MSI1: variants seen among roughly 807,000 people sequenced by gnomAD.
MSI1 encodes the protein RNA-binding protein Musashi homolog 1.
Under a neutral mutation model 54.4 loss-of-function variants are expected in MSI1, and 15 were observed. The ratio of observed to expected loss-of-function variants is 0.28; its 90% CI spans 0.18 to 0.42. MSI1 has a LOEUF of 0.42. Among genes scored for constraint, MSI1 ranks in the 20% least tolerant of loss-of-function variants. The pLI, the probability that MSI1 is intolerant of heterozygous loss-of-function variation, is 1.00. For missense variants in MSI1, 304 were observed against 506.0 expected (o/e 0.60, Z 3.83); for synonymous variants, 200 against 196.5 (o/e 1.02, Z -0.15).
In MSI1 at chr12:120,352,956, T is replaced by C. The variant is rs563216617; in HGVS notation, c.733+343A>G. ...GTGTCTGTGATGATGCAACCAACAATGGCCCTCGGAGAGGCCCCCACTACA... is the reference window on the plus strand; with the variant it reads ...GTGTCTGTGATGATGCAACCAACAACGGCCCTCGGAGAGGCCCCCACTACA... On this transcript the variant is annotated intron_variant, in intron 10 of 14. Transcript: ENST00000257552. Among the ~76,000 whole-genome samples, 18 of 152,234 alleles carry C rather than the reference T, an allele frequency of 1.2e-4. No homozygotes were observed. The East Asian group carries it at 3.5e-3, about 29-fold the overall frequency.
In MSI1 at chr12:120,368,133, A is replaced by G. The variant is rs774560578; in HGVS notation, c.183-41T>C. 4.4e-6 allele frequency: 7 copies of G among 1,601,856 alleles called. 1 individual carries two copies. The Admixed American group carries it at 1.2e-4, about 27-fold the overall frequency. On this transcript the variant is annotated intron_variant, in intron 3 of 14. Coordinates refer to ENST00000257552, the MANE Select transcript of MSI1 (RefSeq NM_002442.4). The surrounding 1 kb of genome is among the most constrained non-coding windows in gnomAD (Gnocchi z 6.6). Reference sequence around the variant, plus strand: ...AGGGAGAGGCAGATGGTTACAAGGCAGTGAGTGGCGGGTGGAGGGGGGCGA... The same window carrying G: ...AGGGAGAGGCAGATGGTTACAAGGCGGTGAGTGGCGGGTGGAGGGGGGCGA...
intron 8 of MSI1, 137 bp downstream of exon 8, chr12:120,357,679 T>C (rs1222150538): frequency 5.1e-6 from 4 of 784,912 alleles, no homozygotes; most frequent in Middle Eastern, 3.1e-4. Flanking sequence ...CTAATTTTTG[T>C]ATTTTTAGTA....
intron 11 of MSI1, among the ~76,000 whole-genome samples, chr12:120,347,758 C>T (rs935287058): frequency 6.6e-6 from 1 of 152,182 alleles, no homozygotes; most frequent in African/African-American, 2.4e-5. Flanking sequence ...TCAATTTCTC[C>T]CCTGGTCTGG....
chr12:120,360,808 G>A (rs1323674496), intron 6 of MSI1, among the ~76,000 whole-genome samples: 2 of 142,606 alleles, frequency 1.4e-5, no homozygotes, highest in African/African-American at 2.6e-5. Context: ...ACAGGTTGAA[G>A]TTAAATGAAA....
At chr12:120,357,741 T>G in intron 8 of MSI1, 75 bp downstream of exon 8, 1 of 1,424,038 alleles carries the variant, frequency 7.0e-7, no homozygotes. Context: ...CCTGACCTCA[T>G]GTAATCTGCC....
intron 8 of MSI1, 50 bp downstream of exon 8, chr12:120,357,766 C>G: frequency 3.8e-6 from 6 of 1,591,484 alleles, no homozygotes; most frequent in Non-Finnish European, 5.2e-6. Context: ...TCAACCTCCC[C>G]AAAGTGCTTG....
At chr12:120,362,131 A>C (rs1875709120) in intron 6 of MSI1, among the ~76,000 whole-genome samples, 1 of 145,580 alleles carries the variant, frequency 6.9e-6, no homozygotes, top group Non-Finnish European at 1.5e-5. Flanking sequence ...CCCCCACACC[A>C]CCAGCCTCAG....
intron 12 of MSI1, among the ~76,000 whole-genome samples, chr12:120,346,959 C>G (rs1380006521): frequency 6.8e-6 from 1 of 146,412 alleles, no homozygotes; most frequent in African/African-American, 2.6e-5. Context: ...TTTTTTTTTT[C>G]TTTTGAGACA....
In MSI1 at chr12:120,368,972, G is replaced by C; in HGVS notation, c.59+61C>G. 8.7e-7 allele frequency: 1 copy of C among 1,153,424 alleles called. No homozygotes were observed. The allele number at this position is 1,153,424 out of a possible 1,614,324, so 71.4% of individuals were successfully genotyped here. The stretch of plus-strand genomic sequence containing the variant: ...CTCCGGGGAGGCCCGGCCGGACCCG[G>C]ATCGGCCATGTTGGCGGGGCCGGGG... On this transcript the variant is annotated intron_variant, in intron 1 of 14. Transcript: ENST00000257552. The surrounding 1 kb of genome is among the most constrained non-coding windows in gnomAD (Gnocchi z 6.6).
intron 11 of MSI1, among the ~76,000 whole-genome samples, chr12:120,348,551 A>G (rs1422074739): frequency 1.3e-5 from 1 of 79,670 alleles, no homozygotes; most frequent in African/African-American, 4.8e-5. Flanking sequence ...CCCTCCAAAA[A>G]TATCTTTTTT....
At chr12:120,339,782 A>T (rs1873606920), downstream of MSI1, among the ~76,000 whole-genome samples, 1 of 150,092 alleles carries the variant, frequency 6.7e-6, no homozygotes, top group Non-Finnish European at 1.5e-5. Context: ...TGTTAAAGTA[A>T]TTCTTTTTTT....
intron 11 of MSI1, among the ~76,000 whole-genome samples, chr12:120,350,854 T>C (rs1019284990): frequency 6.6e-6 from 1 of 152,344 alleles, no homozygotes; most frequent in Non-Finnish European, 1.5e-5. Flanking sequence ...TGAAAAATAA[T>C]GGAAAAATTC....
At position 120,363,109 on chromosome 12, in the gene MSI1, A is replaced by G. The variant is rs1391896068; in HGVS notation, c.336T>C (p.Phe112=). The change falls in exon 6 of 15, where the codon TTT becomes TTC. Residue 112 remains phenylalanine (F), a synonymous_variant. Coordinates refer to ENST00000257552, the MANE Select transcript of MSI1 (RefSeq NM_002442.4). ...TGGTGTTCACCGACAGCCCCCCCAC[A>G]AAGATCTTCTTCGTTCGAGTCACCA... is the stretch of plus-strand genomic sequence containing the variant. ...PKMVTRTKKI[F]VGGLSVNTTV... 1 of 1,613,812 alleles carries G rather than the reference A, an allele frequency of 6.2e-7. No individual in the cohort carries two copies. Among genetic ancestry groups the G allele is most frequent in the East Asian group, 2.2e-5 (1 of 44,860 alleles).
downstream of MSI1, among the ~76,000 whole-genome samples, chr12:120,339,981 C>T (rs61592165): frequency 0.057 from 8,692 of 151,742 alleles, 381 homozygotes; most frequent in Admixed American, 0.15. Flanking sequence ...GGGGTTTTAC[C>T]ATATCACCCA....
At chr12:120,356,106 A>G (rs1385683401) in intron 9 of MSI1, among the ~76,000 whole-genome samples, 1 of 151,918 alleles carries the variant, frequency 6.6e-6, no homozygotes, top group Non-Finnish European at 1.5e-5. Flanking sequence ...AGTCTCCTCA[A>G]CCTCCAGGTG....
intron 10 of MSI1, among the ~76,000 whole-genome samples, chr12:120,352,989 T>TG (rs1874761337): frequency 6.6e-6 from 1 of 152,044 alleles, no homozygotes; most frequent in South Asian, 2.1e-4. Context: ...ACAAGCCCAA[T>TG]GCCCTCTCTG....
chr12:120,357,566 C>T (rs552639317), intron 8 of MSI1, among the ~76,000 whole-genome samples: 3 of 152,316 alleles, frequency 2.0e-5, no homozygotes, highest in South Asian at 4.1e-4. Flanking sequence ...AGTGCAGTGG[C>T]ACAATCTCAG....
At chr12:120,356,764 T>C (rs979304237) in intron 9 of MSI1, 138 bp downstream of exon 9, 6 of 780,240 alleles carry the variant, frequency 7.7e-6, no homozygotes, top group Non-Finnish European at 1.3e-5. Flanking sequence ...ACCCGACAGA[T>C]CCCTTGTCCC....
rs1272175406 is a variant in MSI1 at position 120,341,837 on chromosome 12, G to A, written c.*1290C>T. 1 of 152,536 alleles carries A rather than the reference G, an allele frequency of 6.6e-6. No homozygotes were observed. The highest frequency in any genetic ancestry group is 2.1e-4 in the South Asian group (1 of 4,826). The allele number at this position is 152,536 out of a possible 1,614,324, so 9.4% of individuals were successfully genotyped here. Reference sequence around the variant, plus strand: ...GGCCCTGGGCCTCATAACTGGGGGAGAGGGACACACAGAAGGGGGATGGCA... The same window carrying A: ...GGCCCTGGGCCTCATAACTGGGGGAAAGGGACACACAGAAGGGGGATGGCA... On this transcript the variant is annotated 3_prime_UTR_variant, in exon 15 of 15. Coordinates refer to ENST00000257552, the MANE Select transcript of MSI1 (RefSeq NM_002442.4).
Sources: allele counts gnomAD v4.1 joint callset (sites outside exome capture counted in the v4.1 genomes callset), GRCh38; gene constraint gnomAD v4.1.1; non-coding constraint Gnocchi (gnomAD v3.1); transcripts MANE v1.5; gene names NCBI Gene and HGNC (gene_info 2026-07-23, HGNC 2026-07-21).